Variants in ZNF438 observed in about 807,000 individuals in gnomAD.
The protein encoded by ZNF438 is zinc finger protein 438.
In ZNF438, 25 loss-of-function variants were observed where a neutral mutation model predicts 38.0. That is an observed-to-expected ratio of 0.66 (90% CI 0.48 to 0.92). ZNF438 has a LOEUF of 0.92. ZNF438 is among the 40% of genes least tolerant of loss of function. The probability of loss-of-function intolerance (pLI) is 0.00; values close to 1 mark genes in which losing one functional copy is unlikely to be tolerated. For synonymous variants in ZNF438, 372 were observed against 364.1 expected, an observed-to-expected ratio of 1.02 and a Z score of -0.25; for missense variants, 1,007 against 999.6, an observed-to-expected ratio of 1.01 and a Z score of -0.10.
intron 3 of ZNF438, among the ~76,000 whole-genome samples, chr10:30,889,964 T>C (rs767583355): frequency 1.1e-4 from 17 of 151,732 alleles, no homozygotes; most frequent in Non-Finnish European, 1.3e-4. Context: ...TTAAACTGGA[T>C]ACTACATGCT....
chr10:30,997,225 G>C (rs1359697726), intron 1 of ZNF438, among the ~76,000 whole-genome samples: 1 of 152,012 alleles, frequency 6.6e-6, no homozygotes, highest in Non-Finnish European at 1.5e-5. Flanking sequence ...ACAGAGAATG[G>C]AAAATCCAGA....
chr10:30,976,899 A>C (rs2136329213), intron 1 of ZNF438, among the ~76,000 whole-genome samples: 1 of 152,318 alleles, frequency 6.6e-6, no homozygotes, highest in South Asian at 2.1e-4. Context: ...AGTGATTTAC[A>C]ACTTTAAGCC....
In ZNF438 at chr10:30,984,369, C is replaced by CTA. The variant is rs1179097012; in HGVS notation, c.-191-42720_-191-42719dup. ...TCTTCAAAAAATGCTTGTCACTTACCTATATCCCAAGGCTCCTGTAGAGTC... is the reference window on the plus strand; with the variant it reads ...TCTTCAAAAAATGCTTGTCACTTACCTATATATCCCAAGGCTCCTGTAGAGTC... On this transcript the variant is annotated intron_variant, in intron 1 of 5. An upstream open reading frame in the 5' UTR gains an earlier in-frame stop. Coordinates refer to ENST00000413025, the Ensembl canonical transcript of ZNF438. 2.0e-5 allele frequency: 3 copies of CTA among 152,130 alleles called. No individual in the cohort carries two copies. Among genetic ancestry groups the CTA allele is most frequent in the Non-Finnish European group, 4.4e-5 (3 of 68,000 alleles). The allele number at this position is 152,130 out of a possible 1,614,324, so 9.4% of individuals were successfully genotyped here.
At chr10:30,904,542 C>A (rs1303143689) in intron 3 of ZNF438, among the ~76,000 whole-genome samples, 2 of 152,148 alleles carry the variant, frequency 1.3e-5, no homozygotes, top group East Asian at 3.8e-4. Flanking sequence ...CTGACACAGC[C>A]AGAGTGATGT....
chr10:30,877,045 T>C, exon 4 of ZNF438: 1 of 1,600,516 alleles, frequency 6.2e-7, no homozygotes, highest in Non-Finnish European at 8.5e-7. Context: ...TATGATGTAC[T>C]GGACTTGAAT....
intron 2 of ZNF438, among the ~76,000 whole-genome samples, chr10:30,934,103 G>A (rs1216805984): frequency 6.6e-6 from 1 of 150,790 alleles, no homozygotes; most frequent in Admixed American, 6.6e-5. Context: ...CCGAGATCGC[G>A]CCACTATACT....
At chr10:30,959,529 G>C (rs2049235147) in intron 1 of ZNF438, among the ~76,000 whole-genome samples, 2 of 142,512 alleles carry the variant, frequency 1.4e-5, no homozygotes, top group South Asian at 4.6e-4. Context: ...ACGAGGTCAG[G>C]AGATTGAGAC....
chr10:30,847,725 G>A (rs1157437953), intron 5 of ZNF438, among the ~76,000 whole-genome samples: 1 of 152,210 alleles, frequency 6.6e-6, no homozygotes, highest in Non-Finnish European at 1.5e-5. Context: ...GGTGCCAACC[G>A]TGGAAGCTGC....
At chr10:30,926,370 T>C (rs76127658) in intron 2 of ZNF438, among the ~76,000 whole-genome samples, 12,654 of 152,106 alleles carry the variant, frequency 0.083, 607 homozygotes, top group Non-Finnish European at 0.11. Context: ...TGAACAATAT[T>C]AGAATAACAA....
chr10:30,844,652 T>C (rs35585468), exon 6 of ZNF438: 21,189 of 252,654 alleles, frequency 0.084, 1,100 homozygotes, highest in Non-Finnish European at 0.11. Flanking sequence ...GAGAGCTGTA[T>C]TTGAAGAACA....
At chr10:31,002,589 G>A (rs1393382235) in intron 1 of ZNF438, among the ~76,000 whole-genome samples, 1 of 152,068 alleles carries the variant, frequency 6.6e-6, no homozygotes, top group Non-Finnish European at 1.5e-5. Context: ...AGCTAGACCT[G>A]ATTTAAAAAA....
Position 30,921,847 on chromosome 10 carries a change from T to C in ZNF438, c.-114-12832A>G, listed in dbSNP as rs138959173. Reference sequence around the variant, plus strand: ...ACTCTCATTCTTCCCAATACCGATCTTTCTGAGAGTGTACTGGCAGCTAAG... The same window carrying C: ...ACTCTCATTCTTCCCAATACCGATCCTTCTGAGAGTGTACTGGCAGCTAAG... On this transcript the variant is annotated intron_variant, in intron 2 of 5. Transcript: ENST00000413025. Among the ~76,000 whole-genome samples the C allele has an allele frequency of 4.1e-3, 627 of 152,304 alleles. 7 individuals carry two copies. Among genetic ancestry groups the C allele is most frequent in the African/African-American group, 0.014 (588 of 41,564 alleles).
chr10:31,013,955 T>C (rs1276998146), intron 1 of ZNF438, among the ~76,000 whole-genome samples: 1 of 152,196 alleles, frequency 6.6e-6, no homozygotes, highest in Middle Eastern at 3.2e-3. Flanking sequence ...CTTAACCCTC[T>C]GCAATCTGGA....
chr10:30,970,791 T>C (rs564137862), intron 1 of ZNF438, among the ~76,000 whole-genome samples: 1 of 152,334 alleles, frequency 6.6e-6, no homozygotes, highest in East Asian at 1.9e-4. Context: ...TTGTCTCCTA[T>C]AACTGTCCCC....
intron 1 of ZNF438, among the ~76,000 whole-genome samples, chr10:30,970,975 G>T (rs984901027): frequency 6.6e-6 from 1 of 152,178 alleles, no homozygotes; most frequent in Non-Finnish European, 1.5e-5. Context: ...TTAGCAAGCA[G>T]ACACCCGACT....
At chr10:30,933,912 C>T (rs553555800) in intron 2 of ZNF438, among the ~76,000 whole-genome samples, 140 of 152,086 alleles carry the variant, frequency 9.2e-4, no homozygotes, top group African/African-American at 2.7e-3. Flanking sequence ...TTTGGGAGAC[C>T]GAGGTGGGTG....
intron 1 of ZNF438, among the ~76,000 whole-genome samples, chr10:30,955,202 G>A (rs1424032938): frequency 6.6e-6 from 1 of 152,192 alleles, no homozygotes; most frequent in East Asian, 1.9e-4. Context: ...GTAAAGAAGA[G>A]TTGGAAAATA....
intron 5 of ZNF438, among the ~76,000 whole-genome samples, chr10:30,847,626 C>A (rs991229160): frequency 3.3e-5 from 5 of 152,210 alleles, no homozygotes; most frequent in Non-Finnish European, 5.9e-5. Flanking sequence ...AGAAGAGCTG[C>A]GGCCCTTTGG....
At chr10:30,941,059 CATTTT>C (rs58041161) in intron 2 of ZNF438, among the ~76,000 whole-genome samples, 4 of 150,354 alleles carry the variant, frequency 2.7e-5, no homozygotes, top group Admixed American at 6.6e-5. Context: ...TAAAACTGAA[CATTTT>C]ATTTTATTTT....
Sources: allele counts gnomAD v4.1 joint callset (sites outside exome capture counted in the v4.1 genomes callset), GRCh38; gene constraint gnomAD v4.1.1; transcripts MANE v1.5; gene names NCBI Gene and HGNC (gene_info 2026-07-23, HGNC 2026-07-21).